PTCH1: variants seen among roughly 807,000 people sequenced by gnomAD.
PTCH1 encodes patched 1, also known as protein patched homolog 1.
In PTCH1, 14 loss-of-function variants were observed where a neutral mutation model predicts 144.6. That is an observed-to-expected ratio of 0.10 (90% CI 0.06 to 0.15). The LOEUF (loss-of-function observed/expected upper bound fraction) is 0.15. Ranked by LOEUF, PTCH1 falls within the 10% of genes least tolerant of loss-of-function variation. PTCH1 has a pLI of 1.00. For synonymous variants in PTCH1, 833 were observed against 793.6 expected (o/e 1.05, Z -0.83); for missense variants, 1,623 against 1,948.3 (o/e 0.83, Z 3.14).
chr9:95,458,803 C>T lies in PTCH1; in HGVS notation c.2888-510G>A, dbSNP rs369784292. ...TACACAACAAGCATTTAGTTACTGCCGTTGTGTGTTCCAGACCCTCTGGGG... is the reference window on the plus strand; with the variant it reads ...TACACAACAAGCATTTAGTTACTGCTGTTGTGTGTTCCAGACCCTCTGGGG... On this transcript the variant is annotated intron_variant, in intron 17 of 23. Coordinates refer to ENST00000331920, the MANE Select transcript of PTCH1 (RefSeq NM_000264.5). The surrounding 1 kb of genome is among the most constrained non-coding windows in gnomAD (Gnocchi z 4.7). Among the ~76,000 whole-genome samples, 2 of 152,210 alleles carry T rather than the reference C, an allele frequency of 1.3e-5. No individual in the cohort carries two copies. Among genetic ancestry groups the T allele is most frequent in the African/African-American group, 2.4e-5 (1 of 41,458 alleles).
At chr9:95,495,142 T>A in intron 2 of PTCH1, 1 of 152,242 alleles carries the variant, frequency 6.6e-6, no homozygotes, top group Non-Finnish European at 1.5e-5. Flanking sequence ...CATGATTTTG[T>A]TGCCATCAGG....
At position 95,508,591 on chromosome 9, in the gene PTCH1, C is replaced by T. The variant is rs1587701936; in HGVS notation, c.-230G>A. On this transcript the variant is annotated 5_prime_UTR_variant, in exon 1 of 24. Coordinates refer to ENST00000331920, the MANE Select transcript of PTCH1 (RefSeq NM_000264.5). ...GCGGCCGCTGCCGGGGAGTCAGACC[C>T]TGCGCCTTCCATTGCCACATTGCGC... 2.0e-6 allele frequency: 2 copies of T among 997,608 alleles called. No homozygotes were observed. The highest frequency in any genetic ancestry group is 2.4e-6 in the Non-Finnish European group (2 of 838,478). 61.8% of individuals were successfully genotyped at this position (997,608 alleles called of 1,614,324 possible).
At chr9:95,483,430 A>G (rs1164252123) in intron 3 of PTCH1, 2 of 149,614 alleles carry the variant, frequency 1.3e-5, no homozygotes, top group African/African-American at 4.9e-5. Context: ...AAAAAAAAAG[A>G]AAGAAACACA....
intron 12 of PTCH1, among the ~76,000 whole-genome samples, chr9:95,475,405 G>A (rs999315096): frequency 2.0e-5 from 3 of 152,132 alleles, no homozygotes; most frequent in East Asian, 1.9e-4. Context: ...GGGAGCAGGG[G>A]ACCAAAAGGA....
At chr9:95,489,960 C>T (rs1842256399) in intron 2 of PTCH1, among the ~76,000 whole-genome samples, 1 of 151,310 alleles carries the variant, frequency 6.6e-6, no homozygotes, top group South Asian at 2.1e-4. Context: ...GCCACCAGGC[C>T]TGGCTAATTT....
chr9:95,501,625 C>A (rs1843154955), intron 2 of PTCH1, among the ~76,000 whole-genome samples: 1 of 151,732 alleles, frequency 6.6e-6, no homozygotes, highest in African/African-American at 2.4e-5. Flanking sequence ...AACACCAAAG[C>A]AATATGGATT....
Position 95,443,681 on chromosome 9 carries a change from G to A in PTCH1, c.*2712C>T, listed in dbSNP as rs1396665811. The A allele has an allele frequency of 6.6e-6, 1 of 152,430 alleles. No individual in the cohort carries two copies. 9.4% of individuals were successfully genotyped at this position (152,430 alleles called of 1,614,324 possible). On this transcript the variant is annotated 3_prime_UTR_variant, in exon 24 of 24. Coordinates refer to ENST00000331920, the MANE Select transcript of PTCH1 (RefSeq NM_000264.5). ...GTCTCAGCAAAGTTCCAGACATTAT[G>A]GATTCATCACATATAAATTCTTTAA...
intron 1 of PTCH1, chr9:95,507,527 C>G (rs1485053310): frequency 1.2e-6 from 1 of 807,280 alleles, no homozygotes; most frequent in Non-Finnish European, 1.5e-6. Context: ...TTTCCTCCCC[C>G]GACCAGGCCC....
In PTCH1 at chr9:95,507,934, C is replaced by T. The variant is rs912766611; in HGVS notation, c.201+227G>A. The T allele has an allele frequency of 4.3e-5, 62 of 1,440,564 alleles. No homozygotes were observed. In the African/African-American group the frequency reaches 4.6e-4, roughly 11 times the overall value. 89.2% of individuals were successfully genotyped at this position (1,440,564 alleles called of 1,614,324 possible). Reference sequence around the variant, plus strand: ...CACACACACACGCACACACACACACCTCCACCCCCTGCGGACCTCAGACAG... The same window carrying T: ...CACACACACACGCACACACACACACTTCCACCCCCTGCGGACCTCAGACAG... On this transcript the variant is annotated intron_variant, in intron 1 of 23. Coordinates refer to ENST00000331920, the MANE Select transcript of PTCH1 (RefSeq NM_000264.5).
At position 95,449,960 on chromosome 9, in the gene PTCH1, C is replaced by T. The variant is rs781454030; in HGVS notation, c.3450-20G>A. The T allele has an allele frequency of 1.7e-5, 28 of 1,601,492 alleles. No homozygotes were observed. The highest frequency in any genetic ancestry group is 8.8e-5 in the South Asian group (8 of 90,716). On this transcript the variant is annotated intron_variant, in intron 20 of 23. Coordinates refer to ENST00000331920, the MANE Select transcript of PTCH1 (RefSeq NM_000264.5). This position sits in a 1 kb window ranked among gnomAD's most constrained non-coding sequence, Gnocchi z 5.3. The stretch of plus-strand genomic sequence containing the variant: ...AAATACCTGGGAGATCAAGAGGAAA[C>T]GGGAACACGCGCTGTGACAGGGTGG...
At chr9:95,480,625 G>A (rs1412253005) in intron 5 of PTCH1, 37 bp from the exon 6 acceptor site, 2 of 1,589,840 alleles carry the variant, frequency 1.3e-6, no homozygotes, top group South Asian at 2.2e-5. Flanking sequence ...CATGAAAAGA[G>A]CCTTCTAAAC....
chr9:95,515,194 A>C (rs1350039489), intron 1 of PTCH1, among the ~76,000 whole-genome samples: 1 of 152,238 alleles, frequency 6.6e-6, no homozygotes. Context: ...GCCAATAAAC[A>C]CAGAAATAAA....
chr9:95,508,534 C>G lies in PTCH1; in HGVS notation c.-173G>C. ...GTTGACAGACCAGCCGCTGCTGCTGCTCACACGGCGGGCGCTGCTGCCGCT... is the reference window on the plus strand; with the variant it reads ...GTTGACAGACCAGCCGCTGCTGCTGGTCACACGGCGGGCGCTGCTGCCGCT... On this transcript the variant is annotated 5_prime_UTR_variant, in exon 1 of 24. Coordinates refer to ENST00000331920, the MANE Select transcript of PTCH1 (RefSeq NM_000264.5). 2.0e-6 allele frequency: 2 copies of G among 1,012,394 alleles called. No individual in the cohort carries two copies. The highest frequency in any genetic ancestry group is 2.4e-6 in the Non-Finnish European group (2 of 847,556). 62.7% of individuals were successfully genotyped at this position (1,012,394 alleles called of 1,614,324 possible).
At chr9:95,504,256 G>C (rs1008201709) in intron 2 of PTCH1, among the ~76,000 whole-genome samples, 3 of 151,990 alleles carry the variant, frequency 2.0e-5, no homozygotes, top group African/African-American at 2.4e-5. Flanking sequence ...TCCTCATCCA[G>C]TCCATTGAAA....
At chr9:95,462,345 G>A (rs16909887) in intron 15 of PTCH1, among the ~76,000 whole-genome samples, 4,543 of 152,230 alleles carry the variant, frequency 0.03, 224 homozygotes, top group African/African-American at 0.1. Context: ...GTCATTAACC[G>A]TTTCGTGCCA....
At position 95,459,717 on chromosome 9, in the gene PTCH1, T is replaced by A. The variant is rs2136672201; in HGVS notation, c.2770A>T (p.Thr924Ser). The A allele has an allele frequency of 6.2e-7, 1 of 1,614,162 alleles. No homozygotes were observed. Among genetic ancestry groups the A allele is most frequent in the Non-Finnish European group, 8.5e-7 (1 of 1,180,032 alleles). Reference sequence around the variant, plus strand: ...ACGGGGTCGTTGCTGACCCAAGCCGTCAGGTAGATGTAGAAAGCGCTGGGA... The same window carrying A: ...ACGGGGTCGTTGCTGACCCAAGCCGACAGGTAGATGTAGAAAGCGCTGGGA... The part of the protein sequence containing the change: ...INPSAFYIYL[T>S]AWVSNDPVAY... The change falls in exon 17 of 24, where the codon ACG becomes TCG. Residue 924 changes from threonine to serine, a missense_variant. By Grantham distance (58) the Thr-to-Ser change is moderately conservative. Transcript: ENST00000331920.
intron 5 of PTCH1, 65 bp from the exon 6 acceptor site, chr9:95,480,653 G>A (rs910236936): frequency 5.9e-6 from 9 of 1,514,772 alleles, no homozygotes; most frequent in Admixed American, 3.4e-5. Flanking sequence ...AAAGTAACAC[G>A]GCTGCGCCCA....
At chr9:95,488,808 G>A (rs568032141) in intron 2 of PTCH1, among the ~76,000 whole-genome samples, 1 of 152,324 alleles carries the variant, frequency 6.6e-6, no homozygotes, top group South Asian at 2.1e-4. Flanking sequence ...TGGGGAAGGG[G>A]AAAAGATATT....
intron 2 of PTCH1, among the ~76,000 whole-genome samples, chr9:95,496,696 T>A (rs1842813923): frequency 6.6e-6 from 1 of 152,150 alleles, no homozygotes; most frequent in Admixed American, 6.6e-5. Context: ...TTCTGGATCA[T>A]GTGTAGACCA....
Sources: allele counts gnomAD v4.1 joint callset (sites outside exome capture counted in the v4.1 genomes callset), GRCh38; gene constraint gnomAD v4.1.1; non-coding constraint Gnocchi (gnomAD v3.1); transcripts MANE v1.5; gene names NCBI Gene and HGNC (gene_info 2026-07-23, HGNC 2026-07-21).